DDX10: variants seen among roughly 807,000 people sequenced by gnomAD.
DDX10 encodes the protein probable ATP-dependent RNA helicase DDX10.
A neutral mutation model predicts 104.3 loss-of-function variants in DDX10; 74 were observed. The observed-to-expected ratio is 0.71, with a 90% CI of 0.59 to 0.86. The LOEUF (loss-of-function observed/expected upper bound fraction) is 0.86, where lower values mean the gene tolerates loss of function less well. Among genes scored for constraint, DDX10 ranks in the 40% least tolerant of loss-of-function variants. The pLI is 0.00. For synonymous variants in DDX10, 351 were observed against 353.4 expected (o/e 0.99, Z 0.08); for missense variants, 952 against 1,040.0 (o/e 0.92, Z 1.16).
chr11:108,877,425 C>T (rs1863167852), intron 16 of DDX10, among the ~76,000 whole-genome samples: 2 of 151,968 alleles, frequency 1.3e-5, no homozygotes, highest in South Asian at 2.1e-4. Context: ...CTCATTTTAA[C>T]GACCAAATGA....
intron 14 of DDX10, among the ~76,000 whole-genome samples, chr11:108,839,492 A>G (rs1275232583): frequency 6.6e-6 from 1 of 152,228 alleles, no homozygotes; most frequent in Non-Finnish European, 1.5e-5. Flanking sequence ...TAACATAATA[A>G]GCCCTCACAA....
intron 13 of DDX10, among the ~76,000 whole-genome samples, chr11:108,798,751 G>C (rs983565981): frequency 6.6e-6 from 1 of 152,148 alleles, no homozygotes; most frequent in Non-Finnish European, 1.5e-5. Context: ...ACAGGTTGCA[G>C]GGTGGGGTAG....
chr11:108,717,055 C>T (rs2094292466), intron 11 of DDX10, among the ~76,000 whole-genome samples: 1 of 152,024 alleles, frequency 6.6e-6, no homozygotes, highest in African/African-American at 2.4e-5. Context: ...TCATTTTCAC[C>T]TGTCCTTTAT....
At chr11:108,932,801 T>C (rs1207969317) in intron 17 of DDX10, among the ~76,000 whole-genome samples, 1 of 152,038 alleles carries the variant, frequency 6.6e-6, no homozygotes, top group African/African-American at 2.4e-5. Context: ...ATGAAAGTAA[T>C]TTCAATTTTT....
chr11:108,788,680 A>G (rs1861829403), intron 13 of DDX10, among the ~76,000 whole-genome samples: 2 of 152,138 alleles, frequency 1.3e-5, no homozygotes, highest in African/African-American at 4.8e-5. Flanking sequence ...TAGATTTTTA[A>G]AAGTTTTCAC....
chr11:108,869,823 T>A (rs1863056884), intron 16 of DDX10, among the ~76,000 whole-genome samples: 1 of 152,126 alleles, frequency 6.6e-6, no homozygotes, highest in African/African-American at 2.4e-5. Context: ...TGGATATGAA[T>A]TAGGAGAAGG....
chr11:108,686,776 G>C (rs553331817), intron 6 of DDX10, among the ~76,000 whole-genome samples: 29 of 152,148 alleles, frequency 1.9e-4, no homozygotes, highest in African/African-American at 6.3e-4. Flanking sequence ...GTGATAGTTG[G>C]GTCAGGTACT....
At chr11:108,867,959 T>C (rs970094403) in intron 16 of DDX10, among the ~76,000 whole-genome samples, 2 of 152,062 alleles carry the variant, frequency 1.3e-5, no homozygotes, top group African/African-American at 4.8e-5. Flanking sequence ...CAGCCCTCCA[T>C]ATATGGTCTG....
At chr11:108,906,095 CT>C (rs1253069817) in intron 16 of DDX10, among the ~76,000 whole-genome samples, 2 of 151,990 alleles carry the variant, frequency 1.3e-5, no homozygotes, top group Non-Finnish European at 1.5e-5. Flanking sequence ...TATATTAATC[CT>C]TTTTTTATTG....
chr11:108,904,479 A>G lies in DDX10; in HGVS notation c.2305-13394A>G, dbSNP rs148191572. On this transcript the variant is annotated intron_variant, in intron 16 of 17. Coordinates refer to ENST00000322536, the MANE Select transcript of DDX10 (RefSeq NM_004398.4). ...TATGCATTTGTCAAAACCTGAATTC[A>G]TTCAATTCATTTCTGATTTTAAATT... 1.3e-3 allele frequency among the ~76,000 whole-genome samples: 205 copies of G among 152,316 alleles called. 2 individuals are homozygous for G. Among genetic ancestry groups the G allele is most frequent in the African/African-American group, 4.7e-3 (197 of 41,576 alleles).
At chr11:108,762,861 C>T (rs1164160719) in intron 13 of DDX10, among the ~76,000 whole-genome samples, 1 of 152,112 alleles carries the variant, frequency 6.6e-6, no homozygotes, top group Non-Finnish European at 1.5e-5. Context: ...CTTTCTCGGA[C>T]AATAATATTG....
Position 108,759,472 on chromosome 11 carries a change from A to G in DDX10, c.1965+36010A>G, listed in dbSNP as rs545871580. 3.9e-5 allele frequency among the ~76,000 whole-genome samples: 6 copies of G among 152,070 alleles called. No homozygotes were observed. In the South Asian group the frequency reaches 1.2e-3, roughly 32 times the overall value. ...AGCTCCAGGGGTGTTGTTTGGTATTAGTGTAGTTTTCAATACTCCACTGAA... is the reference window on the plus strand; with the variant it reads ...AGCTCCAGGGGTGTTGTTTGGTATTGGTGTAGTTTTCAATACTCCACTGAA... On this transcript the variant is annotated intron_variant, in intron 13 of 17. Transcript: ENST00000322536.
At chr11:108,934,890 G>C (rs1391776239) in intron 17 of DDX10, among the ~76,000 whole-genome samples, 9 of 152,302 alleles carry the variant, frequency 5.9e-5, no homozygotes, top group Admixed American at 2.6e-4. Context: ...AGACTGGATT[G>C]AGTGTTCTGG....
chr11:108,766,315 T>TA (rs1302428317), intron 13 of DDX10, among the ~76,000 whole-genome samples: 2 of 152,212 alleles, frequency 1.3e-5, no homozygotes, highest in African/African-American at 4.8e-5. Context: ...TGTAATGTCT[T>TA]ACCTGTAACT....
intron 13 of DDX10, among the ~76,000 whole-genome samples, chr11:108,729,456 G>A (rs1055208850): frequency 2.0e-5 from 3 of 152,046 alleles, no homozygotes; most frequent in African/African-American, 7.2e-5. Context: ...CAGTGGCATC[G>A]TCTCACAAGT....
chr11:108,797,269 T>C (rs919724250), intron 13 of DDX10, among the ~76,000 whole-genome samples: 1 of 152,162 alleles, frequency 6.6e-6, no homozygotes, highest in African/African-American at 2.4e-5. Flanking sequence ...CTTGACCTCA[T>C]GATCCGTCTG....
At chr11:108,893,616 AAC>A (rs1555037993) in intron 16 of DDX10, among the ~76,000 whole-genome samples, 1 of 152,054 alleles carries the variant, frequency 6.6e-6, no homozygotes, top group Non-Finnish European at 1.5e-5. Context: ...TTAAAAAAAA[AAC>A]TGCACGAAAT....
rs2094255645 is a variant in DDX10 at position 108,693,544 on chromosome 11, G to T, written c.1167G>T (p.Gln389His). 1 of 1,614,036 alleles carries T rather than the reference G, an allele frequency of 6.2e-7. No individual in the cohort carries two copies. Among genetic ancestry groups the T allele is most frequent in the Admixed American group, 1.7e-5 (1 of 60,000 alleles). ...LDFPAVNWVL[Q>H]FDCPEDANTY... ...TCCCGGCCGTGAATTGGGTTCTTCA[G>T]TTTGATTGTCCTGAGGATGCCAACA... Residue 389 changes from glutamine to histidine, a missense_variant, in exon 9 of 18, where the codon CAG (glutamine) becomes CAT (histidine). Coordinates refer to ENST00000322536, the MANE Select transcript of DDX10 (RefSeq NM_004398.4).
chr11:108,924,329 A>T (rs1863880063), intron 17 of DDX10, among the ~76,000 whole-genome samples: 2 of 152,200 alleles, frequency 1.3e-5, no homozygotes, highest in South Asian at 4.1e-4. Context: ...TATTTCGTAG[A>T]TTATTCTAGG....
Sources: gnomAD v4.1 joint callset for allele counts (sites outside exome capture counted in the v4.1 genomes callset) on GRCh38, gnomAD v4.1.1 for gene constraint, MANE v1.5 for transcripts, NCBI Gene and HGNC (gene_info 2026-07-23, HGNC 2026-07-21) for gene names.